Variants in EMILIN2 observed in about 807,000 individuals in gnomAD.
EMILIN2 encodes EMILIN-2.
EMILIN2 carries 71 observed loss-of-function variants against 87.1 expected under a neutral mutation model. The ratio of observed to expected loss-of-function variants is 0.82; its 90% CI spans 0.67 to 0.99. EMILIN2 has a LOEUF of 0.99. EMILIN2 is among the 50% of genes least tolerant of loss of function. EMILIN2 has a pLI of 0.00. For synonymous variants in EMILIN2, 581 were observed against 563.4 expected (o/e 1.03, Z -0.44); for missense variants, 1,407 against 1,371.8 (o/e 1.03, Z -0.40).
At chr18:2,910,502 CA>C (rs2076935579) in intron 7 of EMILIN2, among the ~76,000 whole-genome samples, 1 of 152,184 alleles carries the variant, frequency 6.6e-6, no homozygotes, top group African/African-American at 2.4e-5. Flanking sequence ...AAACAGGGTC[CA>C]GGGGTGCCTG....
chr18:2,872,432 G>A (rs1291598021), intron 2 of EMILIN2, among the ~76,000 whole-genome samples: 2 of 152,138 alleles, frequency 1.3e-5, no homozygotes, highest in Non-Finnish European at 2.9e-5. Context: ...ATGTTGCCCA[G>A]GCTGGCCTCG....
rs558373476 is a variant in EMILIN2, at chr18:2,867,962, G to A, written c.258-17002G>A. Among the ~76,000 whole-genome samples, 582 of 151,760 alleles carry A rather than the reference G, an allele frequency of 3.8e-3. 2 individuals are homozygous for A. The highest frequency in any genetic ancestry group is 5.8e-3 in the Non-Finnish European group (394 of 67,864). ...GCGCCCCTCACCTCCCGGACGGGGC[G>A]GCTGGCCGGGCAGGGGGCTGACCCC... is the stretch of plus-strand genomic sequence containing the variant. On this transcript the variant is annotated intron_variant, in intron 2 of 7. Coordinates refer to ENST00000254528, the MANE Select transcript of EMILIN2 (RefSeq NM_032048.3).
At chr18:2,904,546 ATC>A (rs2076901125) in intron 4 of EMILIN2, among the ~76,000 whole-genome samples, 7 of 152,074 alleles carry the variant, frequency 4.6e-5, no homozygotes, top group Admixed American at 4.6e-4. Context: ...TTTCATGGAA[ATC>A]TCTGGTTTTG....
chr18:2,898,736 CTATT>C (rs774649362), intron 4 of EMILIN2, among the ~76,000 whole-genome samples: 12 of 152,184 alleles, frequency 7.9e-5, no homozygotes, highest in Non-Finnish European at 1.5e-4. Flanking sequence ...TGTCAAATAA[CTATT>C]TAACCAGAAA....
chr18:2,868,818 ATTC>A (rs764118191), intron 2 of EMILIN2, among the ~76,000 whole-genome samples: 10 of 152,280 alleles, frequency 6.6e-5, no homozygotes, highest in East Asian at 1.9e-4. Context: ...AGGGAGACCA[ATTC>A]TTCTTTAAAT....
Position 2,891,442 on chromosome 18 carries a change from G to C in EMILIN2, c.1315G>C (p.Val439Leu). The C allele has an allele frequency of 6.2e-7, 1 of 1,614,210 alleles. No individual in the cohort carries two copies. Among genetic ancestry groups the C allele is most frequent in the Non-Finnish European group, 8.5e-7 (1 of 1,180,030 alleles). ...GGACAATGAGTTTGACCGCCTTATA[G>C]TTCCAGAGCCAGATGTGGATTTTGA... The part of the protein sequence containing the change: ...RLDNEFDRLI[V>L]PEPDVDFDAK... The change falls in exon 4 of 8, where the codon GTT (valine) becomes CTT (leucine). Residue 439 changes from valine (V) to leucine (L), a missense_variant. Coordinates refer to ENST00000254528, the MANE Select transcript of EMILIN2 (RefSeq NM_032048.3). This position sits in a 1 kb window ranked among gnomAD's most constrained non-coding sequence, Gnocchi z 4.6.
chr18:2,867,924 C>A (rs1178226284), intron 2 of EMILIN2, among the ~76,000 whole-genome samples: 2 of 150,638 alleles, frequency 1.3e-5, no homozygotes, highest in African/African-American at 4.9e-5. Flanking sequence ...CCAGTAGGGG[C>A]GGCCGGGCAG....
rs374287134 is a variant in EMILIN2, at chr18:2,847,425, G to A, written c.134+103G>A. The A allele has an allele frequency of 9.5e-6, 11 of 1,161,170 alleles. No individual in the cohort carries two copies. The highest frequency in any genetic ancestry group is 4.5e-5 in the Admixed American group (1 of 22,328). The allele number at this position is 1,161,170 out of a possible 1,614,324, so 71.9% of individuals were successfully genotyped here. ...CAAAGACGACGAGCGGCAGCCGGGG[G>A]CCTCCCTTGGACTTCCCCGGGCGGC... On this transcript the variant is annotated intron_variant, in intron 1 of 7. Transcript: ENST00000254528. This position sits in a 1 kb window ranked among gnomAD's most constrained non-coding sequence, Gnocchi z 4.5.
chr18:2,909,877 C>A, intron 7 of EMILIN2, 58 bp downstream of exon 7: 1 of 1,580,004 alleles, frequency 6.3e-7, no homozygotes, highest in Admixed American at 2.0e-5. Context: ...GCAGGTGGGA[C>A]CCCTCCCACC....
At chr18:2,905,786 T>G (rs967161542) in intron 4 of EMILIN2, among the ~76,000 whole-genome samples, 36 of 147,874 alleles carry the variant, frequency 2.4e-4, no homozygotes, top group Middle Eastern at 3.4e-3. Context: ...TTTTTTTGTT[T>G]TTTTTTTTTG....
At chr18:2,864,774 A>G (rs1461909350) in intron 2 of EMILIN2, among the ~76,000 whole-genome samples, 3 of 151,954 alleles carry the variant, frequency 2.0e-5, no homozygotes, top group Non-Finnish European at 4.4e-5. Context: ...GCCTTACTAG[A>G]TTGGGGAAGT....
Position 2,890,406 on chromosome 18 carries a change from T to G in EMILIN2, c.434-155T>G, listed in dbSNP as rs762987495. On this transcript the variant is annotated intron_variant, in intron 3 of 7. Transcript: ENST00000254528. This position sits in a 1 kb window ranked among gnomAD's most constrained non-coding sequence, Gnocchi z 4.7. ...GTCTATTTGACTACAAAGCCCATAC[T>G]CTTTTCTACTGTACCACAGTACTTA... 3.0e-4 allele frequency among the ~76,000 whole-genome samples: 45 copies of G among 152,234 alleles called. No individual in the cohort carries two copies. Among genetic ancestry groups the G allele is most frequent in the Admixed American group, 4.6e-4 (7 of 15,282 alleles).
chr18:2,914,904 A>C lies in EMILIN2; in HGVS notation c.*1500A>C, dbSNP rs1006472427. On this transcript the variant is annotated 3_prime_UTR_variant, in exon 8 of 8. Transcript: ENST00000254528. Reference sequence around the variant, plus strand: ...GGAGAATGGCATCTCACCCCATTACAACAGCTGGGGAACTGGCTAAAGAGA... The same window carrying C: ...GGAGAATGGCATCTCACCCCATTACCACAGCTGGGGAACTGGCTAAAGAGA... 1.3e-5 allele frequency: 2 copies of C among 152,162 alleles called. No homozygotes were observed. The highest frequency in any genetic ancestry group is 2.9e-5 in the Non-Finnish European group (2 of 68,064). 9.4% of individuals were successfully genotyped at this position (152,162 alleles called of 1,614,324 possible).
At position 2,913,601 on chromosome 18, in the gene EMILIN2, C is replaced by G; in HGVS notation, c.*197C>G. ...TGCAGGGAGTGAGGCACACGGTGAA[C>G]ATGGCCACTGACTTTTCTGCCACTC... On this transcript the variant is annotated 3_prime_UTR_variant, in exon 8 of 8. Transcript: ENST00000254528. 5.4e-6 allele frequency: 3 copies of G among 555,250 alleles called. No homozygotes were observed. The highest frequency in any genetic ancestry group is 4.9e-5 in the South Asian group (2 of 40,996). 34.4% of individuals were successfully genotyped at this position (555,250 alleles called of 1,614,324 possible).
rs777818850 is a variant in EMILIN2 at position 2,891,222 on chromosome 18, G to C, written c.1095G>C (p.Val365=). 3 of 1,614,174 alleles carry C rather than the reference G, an allele frequency of 1.9e-6. No individual in the cohort carries two copies. In the South Asian group the frequency reaches 3.3e-5, roughly 18 times the overall value. The change falls in exon 4 of 8, where the codon GTG becomes GTC. Residue 365 remains valine, a synonymous_variant. Transcript: ENST00000254528. This position sits in a 1 kb window ranked among gnomAD's most constrained non-coding sequence, Gnocchi z 4.6. ...CDDYGSSYLG[V]IELIGEKETS... is the part of the protein sequence containing the mutation. ...ACTATGGGAGCAGCTACCTGGGAGTGATAGAGCTCATAGGGGAGAAGGAAA... is the reference window on the plus strand; with the variant it reads ...ACTATGGGAGCAGCTACCTGGGAGTCATAGAGCTCATAGGGGAGAAGGAAA...
At chr18:2,905,941 A>G (rs1173697965) in intron 4 of EMILIN2, among the ~76,000 whole-genome samples, 1 of 152,046 alleles carries the variant, frequency 6.6e-6, no homozygotes, top group African/African-American at 2.4e-5. Flanking sequence ...GGAGTTTTAA[A>G]ACAAAACTAG....
intron 2 of EMILIN2, among the ~76,000 whole-genome samples, chr18:2,859,286 T>C (rs938871043): frequency 6.6e-5 from 10 of 152,192 alleles, no homozygotes; most frequent in African/African-American, 2.2e-4. Flanking sequence ...TGGTATCGCA[T>C]TGTGGTTTTG....
Position 2,915,348 on chromosome 18 carries a change from C to T in EMILIN2, c.*1944C>T, listed in dbSNP as rs909986521. Reference sequence around the variant, plus strand: ...GGATCCTGGCCCACTTAGGAGACATCTTTAGAAAGGGAAAGGCTGTCTTTT... The same window carrying T: ...GGATCCTGGCCCACTTAGGAGACATTTTTAGAAAGGGAAAGGCTGTCTTTT... On this transcript the variant is annotated 3_prime_UTR_variant, in exon 8 of 8. Transcript: ENST00000254528. 3.3e-5 allele frequency: 5 copies of T among 152,202 alleles called. No homozygotes were observed. The highest frequency in any genetic ancestry group is 1.3e-4 in the Admixed American group (2 of 15,280). 9.4% of individuals were successfully genotyped at this position (152,202 alleles called of 1,614,324 possible). A position where few individuals can be genotyped will look rare whatever the true frequency, so the allele number is the denominator to read the frequency against.
Position 2,890,512 on chromosome 18 carries a change from G to A in EMILIN2, c.434-49G>A, listed in dbSNP as rs373491891. 103 of 1,515,164 alleles carry A rather than the reference G, an allele frequency of 6.8e-5. No individual in the cohort carries two copies. Among genetic ancestry groups the A allele is most frequent in the Non-Finnish European group, 8.2e-5 (93 of 1,132,008 alleles). The allele number at this position is 1,515,164 out of a possible 1,614,324, so 93.9% of individuals were successfully genotyped here. A position where few individuals can be genotyped will look rare whatever the true frequency, so the allele number is the denominator to read the frequency against. ...TTGTTTATTGTCTTGGCAGAATCTG[G>A]CTAAAGGTAGAAAATGTTCATTCAT... On this transcript the variant is annotated intron_variant, in intron 3 of 7. Coordinates refer to ENST00000254528, the MANE Select transcript of EMILIN2 (RefSeq NM_032048.3). The surrounding 1 kb of genome is among the most constrained non-coding windows in gnomAD (Gnocchi z 4.7).
Sources: allele counts gnomAD v4.1 joint callset (sites outside exome capture counted in the v4.1 genomes callset), GRCh38; gene constraint gnomAD v4.1.1; non-coding constraint Gnocchi (gnomAD v3.1); transcripts MANE v1.5; gene names NCBI Gene and HGNC (gene_info 2026-07-23, HGNC 2026-07-21).